The following GPHN variants were observed in gnomAD, a reference collection of about 807,000 sequenced individuals.
GPHN encodes gephyrin.
A neutral mutation model predicts 95.5 loss-of-function variants in GPHN; 17 were observed. That is an observed-to-expected ratio of 0.18 (90% confidence interval 0.12 to 0.27). The LOEUF is 0.27. Among genes scored for constraint, GPHN ranks in the 10% least tolerant of loss-of-function variants. GPHN has a pLI of 1.00. For synonymous variants in GPHN, 320 were observed against 322.5 expected, an observed-to-expected ratio of 0.99 and a Z score of 0.08; for missense variants, 660 against 978.1, an observed-to-expected ratio of 0.67 and a Z score of 4.34.
At chr14:66,907,679 G>C (rs560099644) in intron 5 of GPHN, among the ~76,000 whole-genome samples, 3 of 152,078 alleles carry the variant, frequency 2.0e-5, no homozygotes, top group Non-Finnish European at 4.4e-5. Context: ...GAAAAGTACT[G>C]ACCTAAATAA....
the GPHN span, chr14:67,348,921 C>T: frequency 4.1e-6 from 4 of 966,360 alleles, no homozygotes; most frequent in South Asian, 6.5e-5. Flanking sequence ...AGCCAATCAA[C>T]TTGTTCTAAG....
the GPHN span, among the ~76,000 whole-genome samples, chr14:67,440,403 C>G: frequency 2.0e-5 from 3 of 151,930 alleles, no homozygotes; most frequent in Non-Finnish European, 4.4e-5. Flanking sequence ...TACTGTCTCC[C>G]CCACCGAAAA....
chr14:67,379,901 G>A, the GPHN span, among the ~76,000 whole-genome samples: 2 of 151,648 alleles, frequency 1.3e-5, no homozygotes, highest in South Asian at 4.2e-4. Flanking sequence ...TGATCCGCCC[G>A]CCTCGGCCTC....
the GPHN span, chr14:67,578,171 G>T: frequency 6.2e-7 from 1 of 1,613,866 alleles, no homozygotes; most frequent in South Asian, 1.1e-5. This position sits in a 1 kb window ranked among gnomAD's most constrained non-coding sequence, Gnocchi z 5.0. Flanking sequence ...ACCAGCTGCC[G>T]CCCACCTCAG....
At chr14:67,047,333 T>TG (rs58024973) in intron 10 of GPHN, among the ~76,000 whole-genome samples, 3,159 of 101,688 alleles carry the variant, frequency 0.031, 113 homozygotes, top group African/African-American at 0.09. Flanking sequence ...TGTGTGTGTG[T>TG]TTGTGTGTGT....
At chr14:67,604,546 AAAAC>A in the GPHN span, among the ~76,000 whole-genome samples, 2 of 152,014 alleles carry the variant, frequency 1.3e-5, no homozygotes, top group Admixed American at 6.6e-5. Context: ...CAAAAAACAA[AAAAC>A]AAAAAGCTGG....
At chr14:66,562,079 A>T (rs538276958) in intron 1 of GPHN, among the ~76,000 whole-genome samples, 1 of 152,324 alleles carries the variant, frequency 6.6e-6, no homozygotes, top group East Asian at 1.9e-4. Flanking sequence ...GCCAACACAG[A>T]TAATCCAAGA....
chr14:67,173,691 T>A (rs984476109), intron 21 of GPHN, among the ~76,000 whole-genome samples: 2 of 152,106 alleles, frequency 1.3e-5, no homozygotes, highest in African/African-American at 4.8e-5. Context: ...ATAATGGGTC[T>A]CTAGTAACAG....
the GPHN span, chr14:67,691,941 T>C: frequency 6.5e-6 from 1 of 153,826 alleles, no homozygotes; most frequent in Non-Finnish European, 1.4e-5. Context: ...CCAGCTCGGG[T>C]TCTAATTTTT....
chr14:66,629,229 G>A (rs1008651084), intron 1 of GPHN, among the ~76,000 whole-genome samples: 2 of 141,694 alleles, frequency 1.4e-5, no homozygotes, highest in African/African-American at 2.6e-5. Flanking sequence ...ATATAAATAT[G>A]TATATAAATA....
the GPHN span, among the ~76,000 whole-genome samples, chr14:67,670,810 G>C: frequency 6.6e-6 from 1 of 152,290 alleles, no homozygotes; most frequent in East Asian, 1.9e-4. Context: ...ACCAGCATGA[G>C]CCACCGTGCC....
intron 10 of GPHN, among the ~76,000 whole-genome samples, chr14:67,044,193 C>T (rs1277755145): frequency 5.9e-5 from 9 of 151,972 alleles, no homozygotes; most frequent in Non-Finnish European, 1.2e-4. Context: ...AACAATTAGC[C>T]AGGCATGGTG....
intron 2 of GPHN, among the ~76,000 whole-genome samples, chr14:66,745,200 A>G (rs1226425588): frequency 6.6e-6 from 1 of 152,108 alleles, no homozygotes; most frequent in Admixed American, 6.5e-5. Context: ...CTTTAAAAAA[A>G]TGTTGGGACA....
chr14:66,649,361 G>A (rs151104252), intron 1 of GPHN, among the ~76,000 whole-genome samples: 39 of 151,826 alleles, frequency 2.6e-4, no homozygotes, highest in Non-Finnish European at 5.3e-4. Context: ...AACAAGCAGG[G>A]GTCCCCGACC....
chr14:66,666,230 C>G (rs1161476025), intron 1 of GPHN, among the ~76,000 whole-genome samples: 1 of 151,084 alleles, frequency 6.6e-6, no homozygotes, highest in Non-Finnish European at 1.5e-5. Context: ...TGCACATGTA[C>G]CCTAGAACTT....
intron 12 of GPHN, among the ~76,000 whole-genome samples, chr14:67,091,857 C>CA (rs1025770853): frequency 2.0e-5 from 3 of 149,810 alleles, no homozygotes; most frequent in Non-Finnish European, 3.0e-5. Flanking sequence ...GTTATTTCAC[C>CA]AAAAAAAATC....
chr14:66,897,601 A>T (rs2064921095), intron 5 of GPHN, among the ~76,000 whole-genome samples: 1 of 152,080 alleles, frequency 6.6e-6, no homozygotes. Context: ...GCCTTTTGGG[A>T]TTGGTTTCTT....
chr14:66,909,968 T>G (rs2065586718), intron 5 of GPHN, among the ~76,000 whole-genome samples: 1 of 151,980 alleles, frequency 6.6e-6, no homozygotes, highest in Non-Finnish European at 1.5e-5. Flanking sequence ...ATTTCATATT[T>G]ACTGTTTATT....
At chr14:66,627,115 GAATACCCATAT>G (rs1463526964) in intron 1 of GPHN, among the ~76,000 whole-genome samples, 3 of 151,916 alleles carry the variant, frequency 2.0e-5, no homozygotes, top group Non-Finnish European at 4.4e-5. Flanking sequence ...TAAATCTAAT[GAATACCCATAT>G]AATTACTATT....
Sources: allele counts gnomAD v4.1 joint callset (sites outside exome capture counted in the v4.1 genomes callset), GRCh38; gene constraint gnomAD v4.1.1; non-coding constraint Gnocchi (gnomAD v3.1); transcripts MANE v1.5; gene names NCBI Gene and HGNC (gene_info 2026-07-23, HGNC 2026-07-21).